Variants in NUP133 observed in about 807,000 individuals in gnomAD.
NUP133 encodes nucleoporin 133, also known as nuclear pore complex protein Nup133.
In NUP133, 66 loss-of-function variants were observed where a neutral mutation model predicts 146.2. That is an observed-to-expected ratio of 0.45 (90% confidence interval 0.37 to 0.55). The LOEUF (loss-of-function observed/expected upper bound fraction) is 0.55. Among genes scored for constraint, NUP133 ranks in the 20% least tolerant of loss-of-function variants. The pLI is 0.00. For missense variants in NUP133, 1,277 were observed against 1,374.8 expected, an observed-to-expected ratio of 0.93 and a Z score of 1.12; for synonymous variants, 521 against 498.8, an observed-to-expected ratio of 1.04 and a Z score of -0.59.
intron 21 of NUP133, among the ~76,000 whole-genome samples, chr1:229,454,665 G>T (rs1452073538): frequency 6.6e-6 from 1 of 152,156 alleles, no homozygotes; most frequent in South Asian, 2.1e-4. Context: ...TTCCCATCGC[G>T]TTAAGAAATA....
At chr1:229,470,428 G>T in intron 15 of NUP133, 152 bp downstream of exon 15, 1 of 653,548 alleles carries the variant, frequency 1.5e-6, no homozygotes, top group Non-Finnish European at 2.6e-6. Flanking sequence ...TGAGACTTCT[G>T]AGTGACACTC....
In NUP133 at chr1:229,441,378, T is replaced by G. The variant is rs769322445; in HGVS notation, c.*526A>C. The G allele has an allele frequency of 1.9e-6, 1 of 530,334 alleles. No homozygotes were observed. Among genetic ancestry groups the G allele is most frequent in the African/African-American group, 1.9e-5 (1 of 51,938 alleles). The allele number at this position is 530,334 out of a possible 1,614,324, so 32.9% of individuals were successfully genotyped here. Reference sequence around the variant, plus strand: ...GAGTTCATCAGTTATCAAGCTCACATGAGTTAGGCCCACTCTCCTTTGGTT... The same window carrying G: ...GAGTTCATCAGTTATCAAGCTCACAGGAGTTAGGCCCACTCTCCTTTGGTT... On this transcript the variant is annotated 3_prime_UTR_variant, in exon 26 of 26. Transcript: ENST00000261396.
At chr1:229,505,848 A>G (rs1231254713) in intron 2 of NUP133, among the ~76,000 whole-genome samples, 192 bp downstream of exon 2, 1 of 152,188 alleles carries the variant, frequency 6.6e-6, no homozygotes, top group Non-Finnish European at 1.5e-5. Context: ...AGATCACACC[A>G]CTGCACTCCA....
At chr1:229,444,584 G>A (rs908331569) in intron 25 of NUP133, among the ~76,000 whole-genome samples, 1 of 151,464 alleles carries the variant, frequency 6.6e-6, no homozygotes, top group Non-Finnish European at 1.5e-5. Context: ...AAGCTTCTTG[G>A]TTCTTTTTTT....
intron 5 of NUP133, 109 bp from the exon 6 acceptor site, chr1:229,498,415 GA>G (rs1448825427): frequency 7.0e-6 from 5 of 710,496 alleles, no homozygotes; most frequent in Non-Finnish European, 1.1e-5. Flanking sequence ...AAATCTAAAA[GA>G]ATACAAAATA....
At position 229,445,077 on chromosome 1, in the gene NUP133, T is replaced by C. The variant is rs566753558; in HGVS notation, c.3246-75A>G. 29 of 1,119,704 alleles carry C rather than the reference T, an allele frequency of 2.6e-5. No homozygotes were observed. The South Asian group carries it at 3.7e-4, about 14-fold the overall frequency. The allele number at this position is 1,119,704 out of a possible 1,614,324, so 69.4% of individuals were successfully genotyped here. ...GAATTAAATGATTTGTTTGCTATCATGGTTTTATTTTGATGGCTGTGGGGG... is the reference window on the plus strand; with the variant it reads ...GAATTAAATGATTTGTTTGCTATCACGGTTTTATTTTGATGGCTGTGGGGG... On this transcript the variant is annotated intron_variant, in intron 24 of 25. Coordinates refer to ENST00000261396, the MANE Select transcript of NUP133 (RefSeq NM_018230.3).
intron 21 of NUP133, among the ~76,000 whole-genome samples, chr1:229,453,407 C>T (rs1660498777): frequency 6.6e-6 from 1 of 151,992 alleles, no homozygotes; most frequent in Admixed American, 6.5e-5. Context: ...GCATGTCTAG[C>T]ATCACCTAGT....
intron 14 of NUP133, among the ~76,000 whole-genome samples, chr1:229,474,140 A>G (rs1368726835): frequency 6.6e-6 from 1 of 152,202 alleles, no homozygotes; most frequent in Non-Finnish European, 1.5e-5. Flanking sequence ...GGAGAACCAC[A>G]TAGCCTCTGT....
chr1:229,476,688 T>C (rs1466024078), intron 13 of NUP133, among the ~76,000 whole-genome samples: 4 of 151,662 alleles, frequency 2.6e-5, no homozygotes, highest in East Asian at 3.9e-4. Context: ...CTTTGGGAGA[T>C]CAAAGCGGGT....
rs764079404 is a variant in NUP133 at position 229,460,676 on chromosome 1, T to C, written c.2779A>G (p.Asn927Asp). 2.5e-6 allele frequency: 4 copies of C among 1,614,140 alleles called. No individual in the cohort carries two copies. Among genetic ancestry groups the C allele is most frequent in the Non-Finnish European group, 3.4e-6 (4 of 1,180,004 alleles). ...QPISQHGQLA[N>D]FLQAHEHLSW... The stretch of plus-strand genomic sequence containing the variant: ...AGATGTTCATGAGCTTGCAAAAAAT[T>C]TGCCAACTGTCCATGCTGAGAAATG... The change falls in exon 20 of 26, where the codon AAT (asparagine) becomes GAT (aspartate). Residue 927 changes from asparagine (N) to aspartate (D), a missense_variant. By Grantham distance (23) the Asn-to-Asp change is conservative. Coordinates refer to ENST00000261396, the MANE Select transcript of NUP133 (RefSeq NM_018230.3).
Position 229,466,726 on chromosome 1 carries a change from A to T in NUP133, c.2107T>A (p.Leu703Ile), listed in dbSNP as rs1422872362. 1.2e-6 allele frequency: 2 copies of T among 1,614,088 alleles called. No homozygotes were observed. The highest frequency in any genetic ancestry group is 2.2e-5 in the South Asian group (2 of 91,080). Residue 703 changes from leucine to isoleucine, a missense_variant, in exon 16 of 26, where the codon TTA becomes ATA. Leu to Ile is a conservative substitution (Grantham distance 5). Coordinates refer to ENST00000261396, the MANE Select transcript of NUP133 (RefSeq NM_018230.3). The stretch of plus-strand genomic sequence containing the variant: ...AAGACTTGCTCCTCATGCTCCAGTA[A>T]GCACTCACAGATGGTATCTACTTGG... ...VSQVDTICEC[L>I]LEHEEQVLRD...
chr1:229,507,417 ATGGTGTGTGT>A (rs1274944408), intron 1 of NUP133, among the ~76,000 whole-genome samples: 2 of 152,122 alleles, frequency 1.3e-5, no homozygotes, highest in Non-Finnish European at 2.9e-5. Flanking sequence ...AATTATGAAC[ATGGTGTGTGT>A]TGGGGGTGGG....
At chr1:229,443,875 T>G (rs1379613003) in intron 25 of NUP133, among the ~76,000 whole-genome samples, 2 of 148,298 alleles carry the variant, frequency 1.3e-5, no homozygotes, top group Non-Finnish European at 3.0e-5. Context: ...AACACAGGCA[T>G]GCACCCCTGT....
chr1:229,484,747 T>G (rs187757861), intron 11 of NUP133, among the ~76,000 whole-genome samples: 5 of 152,300 alleles, frequency 3.3e-5, no homozygotes, highest in African/African-American at 1.2e-4. Context: ...ATAAAATTGC[T>G]TCAGAATGTA....
intron 12 of NUP133, among the ~76,000 whole-genome samples, chr1:229,480,099 C>A (rs975528330): frequency 3.3e-5 from 5 of 152,210 alleles, no homozygotes; most frequent in African/African-American, 9.6e-5. Context: ...GAAGAGTACA[C>A]TTCCTACTTT....
chr1:229,498,402 A>G, intron 5 of NUP133, 96 bp from the exon 6 acceptor site: 1 of 796,012 alleles, frequency 1.3e-6, no homozygotes, highest in Non-Finnish European at 1.9e-6. Context: ...TCGTAATTGA[A>G]ATAAATCTAA....
At chr1:229,454,607 T>C (rs1239188941) in intron 21 of NUP133, among the ~76,000 whole-genome samples, 2 of 152,222 alleles carry the variant, frequency 1.3e-5, no homozygotes, top group Non-Finnish European at 2.9e-5. Flanking sequence ...CCCCTCCGAT[T>C]AGACACATTG....
At chr1:229,463,793 G>T (rs899490761) in intron 18 of NUP133, 117 bp from the exon 19 acceptor site, 29 of 1,132,076 alleles carry the variant, frequency 2.6e-5, no homozygotes, top group Non-Finnish European at 3.4e-5. Flanking sequence ...ATCATTAATG[G>T]AATGGAAACC....
chr1:229,452,265 G>A (rs1257045941), intron 22 of NUP133, among the ~76,000 whole-genome samples: 1 of 152,172 alleles, frequency 6.6e-6, no homozygotes, highest in Non-Finnish European at 1.5e-5. Context: ...TACTAGAAAA[G>A]CAAAATATAA....
Sources: gnomAD v4.1 joint callset for allele counts (sites outside exome capture counted in the v4.1 genomes callset) on GRCh38, gnomAD v4.1.1 for gene constraint, MANE v1.5 for transcripts, NCBI Gene and HGNC (gene_info 2026-07-23, HGNC 2026-07-21) for gene names.